The following SORCS2 variants were observed in gnomAD, a reference collection of about 807,000 sequenced individuals.
SORCS2 encodes the protein sortilin related VPS10 domain containing receptor 2, also known as VPS10 domain-containing receptor SorCS2.
A neutral mutation model predicts 141.6 loss-of-function variants in SORCS2; 100 were observed. The observed-to-expected ratio is 0.71, with a 90% CI of 0.60 to 0.83. The LOEUF (loss-of-function observed/expected upper bound fraction) is 0.83. SORCS2 is among the 40% of genes least tolerant of loss of function. The probability of loss-of-function intolerance (pLI) is 0.00; values close to 1 mark genes in which losing one functional copy is unlikely to be tolerated. For synonymous variants in SORCS2, 789 were observed against 676.9 expected (o/e 1.17, Z -2.57); for missense variants, 1,646 against 1,560.2 (o/e 1.05, Z -0.93).
At chr4:7,487,475 T>C (rs1731061302) in intron 2 of SORCS2, among the ~76,000 whole-genome samples, 1 of 152,076 alleles carries the variant, frequency 6.6e-6, no homozygotes, top group African/African-American at 2.4e-5. Flanking sequence ...GACACCAGGG[T>C]GGTGGCTTGT....
rs569075387 is a variant in SORCS2 at position 7,598,834 on chromosome 4, T to TC, written c.649-39487dup. 2.4e-3 allele frequency among the ~76,000 whole-genome samples: 365 copies of TC among 152,170 alleles called. 4 individuals are homozygous for TC. Among genetic ancestry groups the TC allele is most frequent in the African/African-American group, 8.4e-3 (350 of 41,526 alleles). Reference sequence around the variant, plus strand: ...GGGGGTGGGGACAGGGGCTGTGTTCTCCCCCCCAGGCTGTGCTCATGCTGA... The same window carrying TC: ...GGGGGTGGGGACAGGGGCTGTGTTCTCCCCCCCCAGGCTGTGCTCATGCTGA... On this transcript the variant is annotated intron_variant, in intron 3 of 26. Coordinates refer to ENST00000507866, the MANE Select transcript of SORCS2 (RefSeq NM_020777.3).
rs574042487 is a variant in SORCS2 at position 7,387,870 on chromosome 4, AT to A, written c.481-8417del. ...TGCACACACATACAGGTACACAGAG[AT>A]ACACACAGATGCACACACAGGCACA... On this transcript the variant is annotated intron_variant, in intron 1 of 26. Coordinates refer to ENST00000507866, the MANE Select transcript of SORCS2 (RefSeq NM_020777.3). Among the ~76,000 whole-genome samples, 104 of 85,820 alleles carry A rather than the reference AT, an allele frequency of 1.2e-3. 2 individuals are homozygous for A. The highest frequency in any genetic ancestry group is 1.7e-3 in the African/African-American group (47 of 27,286). 56.3% of individuals were successfully genotyped at this position (85,820 alleles called of 152,430 possible).
intron 1 of SORCS2, among the ~76,000 whole-genome samples, chr4:7,356,883 C>T (rs1024747332): frequency 5.9e-5 from 9 of 152,230 alleles, no homozygotes; most frequent in African/African-American, 1.9e-4. Context: ...CTGGCTGGGG[C>T]CAGGCTTGTC....
chr4:7,683,747 C>T (rs1723709683), intron 10 of SORCS2, among the ~76,000 whole-genome samples: 1 of 152,196 alleles, frequency 6.6e-6, no homozygotes, highest in South Asian at 2.1e-4. Context: ...GTTCAGACAT[C>T]CTGAGCCCCA....
chr4:7,631,178 G>A (rs375711237), intron 3 of SORCS2, among the ~76,000 whole-genome samples: 19 of 151,362 alleles, frequency 1.3e-4, no homozygotes, highest in African/African-American at 4.1e-4. Flanking sequence ...GGAAGATGAC[G>A]TGGACCAGGG....
chr4:7,494,737 C>G (rs945963414), intron 2 of SORCS2, among the ~76,000 whole-genome samples: 1 of 152,202 alleles, frequency 6.6e-6, no homozygotes. Flanking sequence ...CAGTCCCTGC[C>G]TGATTTCTGG....
intron 2 of SORCS2, among the ~76,000 whole-genome samples, chr4:7,461,762 C>T (rs1237124896): frequency 6.6e-6 from 1 of 152,104 alleles, no homozygotes; most frequent in Non-Finnish European, 1.5e-5. Context: ...TCACCTCTGA[C>T]CCCTTCTTAG....
At chr4:7,602,963 C>G (rs1324429363) in intron 3 of SORCS2, among the ~76,000 whole-genome samples, 1 of 152,246 alleles carries the variant, frequency 6.6e-6, no homozygotes, top group Non-Finnish European at 1.5e-5. Flanking sequence ...TGGAGACCAG[C>G]CCGACCAACA....
chr4:7,638,281 G>A (rs773743049), intron 3 of SORCS2, 47 bp from the exon 4 acceptor site: 26 of 1,487,468 alleles, frequency 1.7e-5, no homozygotes, highest in Non-Finnish European at 2.7e-6. Context: ...TGGTGTCGGG[G>A]GAGAGGGGCA....
At chr4:7,402,174 A>G (rs1724635890) in intron 2 of SORCS2, among the ~76,000 whole-genome samples, 1 of 152,142 alleles carries the variant, frequency 6.6e-6, no homozygotes, top group Non-Finnish European at 1.5e-5. Context: ...AGCTGTCATC[A>G]ATGTCAACTT....
chr4:7,606,255 C>G (rs1009759733), intron 3 of SORCS2, among the ~76,000 whole-genome samples: 10 of 152,158 alleles, frequency 6.6e-5, no homozygotes, highest in Non-Finnish European at 1.2e-4. Flanking sequence ...TAACAATTTG[C>G]TCTTTACAAC....
intron 14 of SORCS2, among the ~76,000 whole-genome samples, chr4:7,711,971 A>C (rs974067141): frequency 1.3e-5 from 2 of 151,886 alleles, no homozygotes; most frequent in African/African-American, 2.4e-5. Flanking sequence ...CCTCAGCCAC[A>C]CTCAGGGAGT....
chr4:7,632,341 C>G (rs1355467141), intron 3 of SORCS2, among the ~76,000 whole-genome samples: 1 of 152,190 alleles, frequency 6.6e-6, no homozygotes, highest in African/African-American at 2.4e-5. Context: ...ATATGTCTCC[C>G]CCAGAATAGT....
chr4:7,733,334 A>G lies in SORCS2; in HGVS notation c.3121A>G (p.Ile1041Val), dbSNP rs754092541. 1 of 1,548,472 alleles carries G rather than the reference A, an allele frequency of 6.5e-7. No homozygotes were observed. The highest frequency in any genetic ancestry group is 8.7e-7 in the Non-Finnish European group (1 of 1,148,696). ...TCTGTGCTTGCAGAGGCTCGCCGCC[A>G]TCCAGCAGGTGCTGAACGCACAGAA... ...SLSSDKRLAAIQQVLNAQKIS... is the reference protein window; with the variant it reads ...SLSSDKRLAAVQQVLNAQKIS... The change falls in exon 24 of 27, where the codon ATC becomes GTC. Residue 1041 changes from isoleucine (I) to valine (V), a missense_variant. Transcript: ENST00000507866.
At chr4:7,312,408 T>C (rs951106634) in intron 1 of SORCS2, among the ~76,000 whole-genome samples, 2 of 152,162 alleles carry the variant, frequency 1.3e-5, no homozygotes, top group Non-Finnish European at 1.5e-5. Context: ...TGGGTTTTGC[T>C]CGGATCAGGG....
At chr4:7,393,131 A>G (rs4689723) in intron 1 of SORCS2, among the ~76,000 whole-genome samples, 105,309 of 151,974 alleles carry the variant, frequency 0.69, 36,793 homozygotes, top group East Asian at 0.88. Flanking sequence ...GATGAGTGGC[A>G]GCCGCGGCCG....
At chr4:7,430,957 A>G (rs375086275) in intron 2 of SORCS2, 2 of 151,648 alleles carry the variant, frequency 1.3e-5, no homozygotes, top group African/African-American at 4.8e-5. Context: ...TTTAGACCCC[A>G]AGGCAGCCAC....
intron 18 of SORCS2, among the ~76,000 whole-genome samples, chr4:7,719,671 G>T (rs907288230): frequency 1.3e-5 from 2 of 152,222 alleles, no homozygotes; most frequent in African/African-American, 4.8e-5. Context: ...TGCCCCGCCT[G>T]TCCCGCTTGG....
rs541600772 is a variant in SORCS2, at chr4:7,349,060, A to G, written c.481-47228A>G. ...ATTGATTGATGGCTACCAAGGGGGA[A>G]TTCAACTTAATTGCACACCTACCTC... On this transcript the variant is annotated intron_variant, in intron 1 of 26. Transcript: ENST00000507866. Among the ~76,000 whole-genome samples the G allele has an allele frequency of 2.2e-3, 330 of 152,274 alleles. 5 individuals carry two copies. The highest frequency in any genetic ancestry group is 7.8e-3 in the African/African-American group (323 of 41,562).
Sources: gnomAD v4.1 joint callset for allele counts (sites outside exome capture counted in the v4.1 genomes callset) on GRCh38, gnomAD v4.1.1 for gene constraint, MANE v1.5 for transcripts, NCBI Gene and HGNC (gene_info 2026-07-23, HGNC 2026-07-21) for gene names.